Variants in GDA observed in about 807,000 individuals in gnomAD.
GDA encodes the protein cytoplasmic PSD-95 interactor.
In GDA, 18 loss-of-function variants were observed where a neutral mutation model predicts 59.6. The observed-to-expected ratio is 0.30, with a 90% confidence interval of 0.21 to 0.45. The LOEUF (loss-of-function observed/expected upper bound fraction) is 0.45, where lower values mean the gene tolerates loss of function less well. Among genes scored for constraint, GDA ranks in the 20% least tolerant of loss-of-function variants. The pLI, the probability that GDA is intolerant of heterozygous loss-of-function variation, is 1.00. For missense variants in GDA, 427 were observed against 552.3 expected (o/e 0.77, Z 2.27); for synonymous variants, 201 against 201.1 (o/e 1.00, Z 0.00).
chr9:72,182,774 A>G (rs1831410336), intron 1 of GDA, among the ~76,000 whole-genome samples: 1 of 152,162 alleles, frequency 6.6e-6, no homozygotes, highest in Non-Finnish European at 1.5e-5. Flanking sequence ...AATTTCTTCC[A>G]CATATATTAG....
At chr9:72,174,379 C>T (rs1042481417) in intron 1 of GDA, among the ~76,000 whole-genome samples, 9 of 152,238 alleles carry the variant, frequency 5.9e-5, no homozygotes, top group South Asian at 2.1e-4. Context: ...CATCTAGCAT[C>T]ATCCTAAGAA....
At position 72,248,984 on chromosome 9, in the gene GDA, A is replaced by G. The variant is rs142441530; in HGVS notation, c.*642A>G. 24 of 984,786 alleles carry G rather than the reference A, an allele frequency of 2.4e-5. No homozygotes were observed. In the African/African-American group the frequency reaches 4.2e-4, roughly 17 times the overall value. The allele number at this position is 984,786 out of a possible 1,614,324, so 61.0% of individuals were successfully genotyped here. A position where few individuals can be genotyped will look rare whatever the true frequency, so the allele number is the denominator to read the frequency against. On this transcript the variant is annotated 3_prime_UTR_variant, in exon 14 of 14. Coordinates refer to ENST00000358399, the MANE Select transcript of GDA (RefSeq NM_004293.5). ...TGCCTTCTTTGGCGATGAATGTCAG[A>G]AATTGAATGCCACATGCTTTCATAA...
chr9:72,184,534 C>T (rs1023497847), intron 1 of GDA, among the ~76,000 whole-genome samples: 1 of 152,154 alleles, frequency 6.6e-6, no homozygotes, highest in Non-Finnish European at 1.5e-5. Context: ...GGCTTAATAG[C>T]TCATTTATTT....
In GDA at chr9:72,250,668, T is replaced by G. The variant is rs1840591460; in HGVS notation, c.*2326T>G. 4 of 1,609,056 alleles carry G rather than the reference T, an allele frequency of 2.5e-6. No individual in the cohort carries two copies. The South Asian group carries it at 3.3e-5, about 13-fold the overall frequency. On this transcript the variant is annotated 3_prime_UTR_variant, in exon 14 of 14. Coordinates refer to ENST00000358399, the MANE Select transcript of GDA (RefSeq NM_004293.5). Reference sequence around the variant, plus strand: ...AATGTTGCCTTTGCCTAATGTAGGTTGACTTTCTGAATTGTGGAGAGGCAC... The same window carrying G: ...AATGTTGCCTTTGCCTAATGTAGGTGGACTTTCTGAATTGTGGAGAGGCAC...
At chr9:72,223,020 T>G in intron 6 of GDA, 100 bp from the exon 7 acceptor site, 2 of 668,748 alleles carry the variant, frequency 3.0e-6, no homozygotes, top group Non-Finnish European at 2.6e-6. Context: ...TCCAGGGTTT[T>G]TATAGTTTTC....
chr9:72,144,976 A>G (rs1338293835), upstream of GDA, among the ~76,000 whole-genome samples: 1 of 151,942 alleles, frequency 6.6e-6, no homozygotes, highest in Admixed American at 6.6e-5. Context: ...AGATTTAGCT[A>G]CATGAAAAGA....
intron 10 of GDA, among the ~76,000 whole-genome samples, chr9:72,234,960 A>G (rs79760797): frequency 0.058 from 8,889 of 152,262 alleles, 384 homozygotes; most frequent in Non-Finnish European, 0.086. Flanking sequence ...ATTCTCAGCT[A>G]TACAAAAACT....
rs940170821 is a variant in GDA, at chr9:72,140,025, A to G, written c.-100+25192A>G. The stretch of plus-strand genomic sequence containing the variant: ...ACCTTCTTCTGGACACTATATTCCA[A>G]GTTCTCTAGGGAACCCCGCGTTCCC... On this transcript the variant is annotated intron_variant, in intron 1 of 13. Transcript: ENST00000545168. Among the ~76,000 whole-genome samples the G allele has an allele frequency of 8.5e-5, 13 of 152,190 alleles. No individual in the cohort carries two copies. The South Asian group carries it at 1.5e-3, about 17-fold the overall frequency.
At chr9:72,224,168 A>C (rs1837251947) in intron 7 of GDA, among the ~76,000 whole-genome samples, 2 of 152,378 alleles carry the variant, frequency 1.3e-5, no homozygotes, top group South Asian at 4.1e-4. Context: ...ACATTTAAAA[A>C]TACATGAAAA....
chr9:72,121,425 C>T (rs1323275669), intron 1 of GDA, among the ~76,000 whole-genome samples: 3 of 151,990 alleles, frequency 2.0e-5, no homozygotes, highest in East Asian at 1.9e-4. Flanking sequence ...TGGTGAATCC[C>T]GTCTCTACTA....
intron 5 of GDA, among the ~76,000 whole-genome samples, chr9:72,215,990 C>T (rs559070729): frequency 3.2e-4 from 48 of 152,304 alleles, no homozygotes; most frequent in Admixed American, 1.8e-3. Context: ...TACTGCACAC[C>T]ACTTGCATGA....
At chr9:72,241,094 G>A (rs1195178135) in intron 10 of GDA, 58 bp from the exon 11 acceptor site, 2 of 1,264,386 alleles carry the variant, frequency 1.6e-6, no homozygotes, top group Admixed American at 1.9e-5. Context: ...TGTTATATAT[G>A]TATTATTCCA....
At chr9:72,165,671 G>T (rs1030579597) in intron 1 of GDA, among the ~76,000 whole-genome samples, 6 of 152,162 alleles carry the variant, frequency 3.9e-5, no homozygotes, top group Admixed American at 1.3e-4. Context: ...GCCGAGGTGG[G>T]CGGATCATCG....
Position 72,251,139 on chromosome 9 carries a change from TAA to T in GDA, c.*2800_*2801del, listed in dbSNP as rs1313811376. 4.2e-6 allele frequency: 1 copy of T among 237,910 alleles called. No individual in the cohort carries two copies. Among genetic ancestry groups the T allele is most frequent in the Non-Finnish European group, 8.1e-6 (1 of 124,170 alleles). 14.7% of individuals were successfully genotyped at this position (237,910 alleles called of 1,614,324 possible). A position where few individuals can be genotyped will look rare whatever the true frequency, so the allele number is the denominator to read the frequency against. ...AATACTGTGAGCATTGAGCCCCCAT[TAA>T]AACTCTTTTTTACTTCAGAAAGAAT... On this transcript the variant is annotated 3_prime_UTR_variant, in exon 14 of 14. Transcript: ENST00000358399.
At chr9:72,256,692 C>T (rs1375521578), downstream of GDA, among the ~76,000 whole-genome samples, 7 of 152,166 alleles carry the variant, frequency 4.6e-5, no homozygotes, top group Middle Eastern at 3.2e-3. Context: ...ATCCAGTCTT[C>T]GTAAGAATCA....
chr9:72,231,149 T>A lies in GDA; in HGVS notation c.956T>A (p.Leu319Gln), dbSNP rs890597553. 5.0e-6 allele frequency: 8 copies of A among 1,596,218 alleles called. No individual in the cohort carries two copies. Among genetic ancestry groups the A allele is most frequent in the Non-Finnish European group, 6.9e-6 (8 of 1,163,900 alleles). Reference protein sequence around the residue: ...SSGFLNVLEVLKHEVKIGLGT... With the variant: ...SSGFLNVLEVQKHEVKIGLGT... Reference sequence around the variant, plus strand: ...GGATTTCTAAATGTGCTAGAAGTCCTGAAACATGAAGTCAAGATAGGGCTG... The same window carrying A: ...GGATTTCTAAATGTGCTAGAAGTCCAGAAACATGAAGTCAAGATAGGGCTG... The change falls in exon 10 of 14, where the codon CTG becomes CAG. Residue 319 changes from leucine to glutamine, a missense_variant. Leu to Gln is a moderately radical substitution (Grantham distance 113). Transcript: ENST00000358399.
At chr9:72,157,601 T>A (rs1415380817) in intron 1 of GDA, among the ~76,000 whole-genome samples, 1 of 152,230 alleles carries the variant, frequency 6.6e-6, no homozygotes, top group Non-Finnish European at 1.5e-5. Flanking sequence ...TACCCTTTAG[T>A]GTCTCTGAGC....
At chr9:72,133,476 A>T (rs1301141623) in intron 1 of GDA, among the ~76,000 whole-genome samples, 1 of 152,112 alleles carries the variant, frequency 6.6e-6, no homozygotes, top group African/African-American at 2.4e-5. Flanking sequence ...TGGTTTTGAC[A>T]CTACTTGGAC....
intron 1 of GDA, among the ~76,000 whole-genome samples, chr9:72,180,041 C>A (rs889128399): frequency 2.0e-5 from 3 of 151,940 alleles, no homozygotes; most frequent in Non-Finnish European, 4.4e-5. Context: ...CATACCAGGT[C>A]TTCAAGGCAG....
Sources: allele counts gnomAD v4.1 joint callset (sites outside exome capture counted in the v4.1 genomes callset), GRCh38; gene constraint gnomAD v4.1.1; transcripts MANE v1.5; gene names NCBI Gene and HGNC (gene_info 2026-07-23, HGNC 2026-07-21).